IQCM: variants seen among roughly 807,000 people sequenced by gnomAD.
IQCM encodes IQ domain-containing protein M.
Under a neutral mutation model 57.6 loss-of-function variants are expected in IQCM, and 45 were observed. That is an observed-to-expected ratio of 0.78 (90% confidence interval 0.62 to 1.00). IQCM has a LOEUF of 1.00. Among genes scored for constraint, IQCM ranks in the 50% least tolerant of loss-of-function variants. IQCM has a pLI of 0.00. For synonymous variants in IQCM, 148 were observed against 158.9 expected (o/e 0.93, Z 0.51); for missense variants, 468 against 511.6 (o/e 0.91, Z 0.82).
chr4:149,804,534 T>G (rs930962158), intron 2 of IQCM, among the ~76,000 whole-genome samples: 24 of 152,070 alleles, frequency 1.6e-4, no homozygotes, highest in Admixed American at 5.3e-4. Flanking sequence ...TTGTTGACTT[T>G]CAGTTTGTTC....
intron 7 of IQCM, among the ~76,000 whole-genome samples, chr4:149,642,419 T>A (rs1252101372): frequency 1.3e-5 from 2 of 152,202 alleles, no homozygotes; most frequent in Non-Finnish European, 2.9e-5. Flanking sequence ...AATAGATTCT[T>A]CGAATAGTTG....
chr4:149,411,769 T>C (rs866839080), intron 13 of IQCM, among the ~76,000 whole-genome samples: 47 of 152,314 alleles, frequency 3.1e-4, no homozygotes, highest in Middle Eastern at 3.4e-3. Context: ...GTTACTTAAA[T>C]ATCTTACATT....
At chr4:149,368,758 A>G (rs1191230856) in intron 13 of IQCM, among the ~76,000 whole-genome samples, 5 of 73,978 alleles carry the variant, frequency 6.8e-5, no homozygotes, top group South Asian at 5.4e-4. Context: ...ATATACATGT[A>G]TATATATATA....
At chr4:149,411,141 C>A (rs749605377) in intron 13 of IQCM, among the ~76,000 whole-genome samples, 1 of 151,990 alleles carries the variant, frequency 6.6e-6, no homozygotes, top group African/African-American at 2.4e-5. Context: ...TTGCAATATC[C>A]CTGAAATTTA....
At chr4:149,445,665 C>G (rs1266459116) in intron 12 of IQCM, among the ~76,000 whole-genome samples, 1 of 151,660 alleles carries the variant, frequency 6.6e-6, no homozygotes, top group Non-Finnish European at 1.5e-5. Flanking sequence ...ATGACTTCAG[C>G]CTTTTTATCT....
At chr4:149,811,788 C>G (rs1041248992) in intron 2 of IQCM, among the ~76,000 whole-genome samples, 1 of 152,132 alleles carries the variant, frequency 6.6e-6, no homozygotes, top group Non-Finnish European at 1.5e-5. Context: ...TACAGAAAAG[C>G]AATTTAATTA....
At position 149,355,425 on chromosome 4, in the gene IQCM, G is replaced by A. The variant is rs1385260281; in HGVS notation, c.1391-3359C>T. ...CACCCCACAACAGGCCCCAGCGTGT[G>A]ATGTTCCCCTTCCTGTGTCTATGTG... is the stretch of plus-strand genomic sequence containing the variant. On this transcript the variant is annotated intron_variant, in intron 13 of 13. Transcript: ENST00000636793. 1.2e-4 allele frequency among the ~76,000 whole-genome samples: 15 copies of A among 124,378 alleles called. No individual in the cohort carries two copies. The Admixed American group carries it at 1.7e-3, about 14-fold the overall frequency. The allele number at this position is 124,378 out of a possible 152,430, so 81.6% of individuals were successfully genotyped here.
intron 2 of IQCM, among the ~76,000 whole-genome samples, chr4:149,807,518 G>A (rs558643777): frequency 4.6e-5 from 7 of 151,894 alleles, no homozygotes; most frequent in Non-Finnish European, 1.0e-4. Flanking sequence ...ATCAGTCTGG[G>A]CAAAGTTTTT....
At chr4:149,422,623 G>A (rs574095251) in intron 13 of IQCM, among the ~76,000 whole-genome samples, 32 of 152,136 alleles carry the variant, frequency 2.1e-4, no homozygotes, top group Admixed American at 1.0e-3. Context: ...GTGTGCGCAC[G>A]CATGTGTGCA....
intron 8 of IQCM, among the ~76,000 whole-genome samples, chr4:149,594,041 C>T (rs1753503337): frequency 6.6e-6 from 1 of 152,146 alleles, no homozygotes; most frequent in African/African-American, 2.4e-5. Context: ...GGTACCAGCT[C>T]CTCCTTGTAC....
chr4:149,519,771 G>A (rs1579343365), intron 12 of IQCM, among the ~76,000 whole-genome samples: 1 of 152,202 alleles, frequency 6.6e-6, no homozygotes, highest in East Asian at 1.9e-4. Context: ...TTGGGAGGCT[G>A]AAGCGAGTGG....
chr4:149,463,967 T>A (rs1471555654), intron 12 of IQCM, among the ~76,000 whole-genome samples: 2 of 152,310 alleles, frequency 1.3e-5, no homozygotes, highest in South Asian at 2.1e-4. Flanking sequence ...AAGTTTTGAA[T>A]CATGCTATTT....
chr4:149,725,008 CT>C (rs1274195697), intron 5 of IQCM, among the ~76,000 whole-genome samples: 2 of 152,018 alleles, frequency 1.3e-5, no homozygotes, highest in Non-Finnish European at 2.9e-5. Context: ...TGTAGAATAT[CT>C]ATACACAGAA....
chr4:149,512,051 T>C (rs562559780), intron 12 of IQCM, among the ~76,000 whole-genome samples: 34 of 152,316 alleles, frequency 2.2e-4, no homozygotes, highest in Non-Finnish European at 1.6e-4. Flanking sequence ...CATAGTGTCA[T>C]GTACTGCAAA....
At chr4:149,725,223 C>A (rs1465963362) in intron 5 of IQCM, among the ~76,000 whole-genome samples, 5 of 152,076 alleles carry the variant, frequency 3.3e-5, no homozygotes, top group Admixed American at 3.3e-4. Context: ...GAAGATAATG[C>A]AACTGAATTT....
At chr4:149,405,893 T>TCTTC (rs1350677785) in intron 13 of IQCM, among the ~76,000 whole-genome samples, 2 of 43,658 alleles carry the variant, frequency 4.6e-5, no homozygotes, top group African/African-American at 1.7e-4. Flanking sequence ...TATCTTCATA[T>TCTTC]ATATATATAT....
intron 12 of IQCM, among the ~76,000 whole-genome samples, chr4:149,483,930 G>T (rs1430272337): frequency 6.6e-6 from 1 of 151,800 alleles, no homozygotes; most frequent in African/African-American, 2.4e-5. Flanking sequence ...AATAATATTT[G>T]CTTTATCTAT....
intron 8 of IQCM, among the ~76,000 whole-genome samples, chr4:149,601,248 C>A (rs992813795): frequency 6.6e-5 from 10 of 151,796 alleles, no homozygotes; most frequent in Admixed American, 6.6e-5. Flanking sequence ...TAGGTGATAA[C>A]AATGCTACTG....
At chr4:149,374,096 TC>T (rs1730546943) in intron 13 of IQCM, among the ~76,000 whole-genome samples, 1 of 152,110 alleles carries the variant, frequency 6.6e-6, no homozygotes, top group Non-Finnish European at 1.5e-5. Context: ...ATTTTGAGGA[TC>T]CCCACCTGGG....
Sources: gnomAD v4.1 joint callset for allele counts (sites outside exome capture counted in the v4.1 genomes callset) on GRCh38, gnomAD v4.1.1 for gene constraint, MANE v1.5 for transcripts, NCBI Gene and HGNC (gene_info 2026-07-23, HGNC 2026-07-21) for gene names.